SGO1: variants seen among roughly 807,000 people sequenced by gnomAD.
SGO1 encodes serologically defined breast cancer antigen NY-BR-85.
Under a neutral mutation model 50.5 loss-of-function variants are expected in SGO1, and 39 were observed. The ratio of observed to expected loss-of-function variants is 0.77; its 90% CI spans 0.60 to 1.01. The LOEUF (loss-of-function observed/expected upper bound fraction) is 1.01, where lower values mean the gene tolerates loss of function less well. Ranked by LOEUF, SGO1 falls within the 50% of genes least tolerant of loss-of-function variation. The pLI, the probability that SGO1 is intolerant of heterozygous loss-of-function variation, is 0.00. For synonymous variants in SGO1, 191 were observed against 205.1 expected, an observed-to-expected ratio of 0.93 and a Z score of 0.59; for missense variants, 638 against 606.0, an observed-to-expected ratio of 1.05 and a Z score of -0.55.
intron 5 of SGO1, among the ~76,000 whole-genome samples, chr3:20,175,815 A>C (rs1701325718): frequency 1.3e-5 from 2 of 151,868 alleles, no homozygotes; most frequent in South Asian, 4.2e-4. Flanking sequence ...AAAAATTATA[A>C]CAGGCTTTTA....
upstream of SGO1, chr3:20,186,643 A>G (rs1575275361): frequency 1.3e-5 from 2 of 152,228 alleles, no homozygotes; most frequent in African/African-American, 4.8e-5. Flanking sequence ...CAAGGAGCAA[A>G]TTCTGGATTA....
downstream of SGO1, among the ~76,000 whole-genome samples, chr3:20,167,644 T>G (rs1275292967): frequency 6.6e-6 from 1 of 152,212 alleles, no homozygotes. Context: ...GCTTGGCTAA[T>G]TTTAATGTCT....
At chr3:20,174,006 T>G (rs550069240) in intron 6 of SGO1, among the ~76,000 whole-genome samples, 1 of 152,170 alleles carries the variant, frequency 6.6e-6, no homozygotes, top group Non-Finnish European at 1.5e-5. Context: ...AGTCCTAATT[T>G]ACTGAAAATA....
In SGO1 at chr3:20,174,873, A is replaced by T; in HGVS notation, c.658T>A (p.Ser220Thr). The T allele has an allele frequency of 6.2e-7, 1 of 1,614,048 alleles. No individual in the cohort carries two copies. Among genetic ancestry groups the T allele is most frequent in the African/African-American group, 1.3e-5 (1 of 75,044 alleles). ...AATCCAACTCTTTCGAATTCAAAAG[A>T]CTTCCCTGCCAAATGACTGGTTTCA... ...DFETSHLAGK[S>T]FEFERVGFLD... Residue 220 changes from serine to threonine, a missense_variant, in exon 6 of 8, where the codon TCT (serine) becomes ACT (threonine). Physicochemically the swap from Ser to Thr is moderately conservative, Grantham distance 58. Coordinates refer to ENST00000412997, the MANE Select transcript of SGO1 (RefSeq NM_001199251.3).
Position 20,175,027 on chromosome 3 carries a change from T to C in SGO1, c.504A>G (p.Thr168=), listed in dbSNP as rs61729306. The C allele has an allele frequency of 5.7e-6, 9 of 1,580,226 alleles. No individual in the cohort carries two copies. Among genetic ancestry groups the C allele is most frequent in the Non-Finnish European group, 7.7e-6 (9 of 1,161,854 alleles). ...CACCTGAATCAAAATCAACTCCCAG[T>C]GTGTCTTGAGGAATAGTAGGTATCT... The part of the protein sequence containing the change: ...EDQIPTIPQD[T]LGVDFDSGEA... The change falls in exon 6 of 8, where the codon ACA becomes ACG. Residue 168 remains threonine (T), a synonymous_variant. Coordinates refer to ENST00000412997, the MANE Select transcript of SGO1 (RefSeq NM_001199251.3).
chr3:20,169,368 C>T (rs1013240617), downstream of SGO1: 7 of 984,580 alleles, frequency 7.1e-6, no homozygotes, highest in Non-Finnish European at 8.4e-6. Flanking sequence ...AGAACACCCC[C>T]CCCTCAAAAA....
downstream of SGO1, among the ~76,000 whole-genome samples, chr3:20,165,540 T>G (rs777857533): frequency 1.3e-5 from 2 of 152,102 alleles, no homozygotes; most frequent in Non-Finnish European, 2.9e-5. Flanking sequence ...CATGTAAGAC[T>G]TATAATTATT....
At chr3:20,164,262 C>A (rs1170569199) in intron 8 of SGO1, among the ~76,000 whole-genome samples, 1 of 151,934 alleles carries the variant, frequency 6.6e-6, no homozygotes, top group Admixed American at 6.6e-5. Context: ...CCCATTAACT[C>A]AAGGTTGGTT....
chr3:20,183,678 T>A lies in SGO1; in HGVS notation c.269A>T (p.Tyr90Phe), dbSNP rs574585410. The change falls in exon 3 of 8, where the codon TAC (tyrosine) becomes TTC (phenylalanine). Residue 90 changes from tyrosine to phenylalanine, a missense_variant. Tyr to Phe is a conservative substitution (Grantham distance 22). Transcript: ENST00000412997. ...DIILQLRKEC[Y>F]YLTCQLYALK... Reference sequence around the variant, plus strand: ...TGCATATAGCTGACATGTGAGATAGTAACATTCTTTTCTCAGCTGTAGGAT... The same window carrying A: ...TGCATATAGCTGACATGTGAGATAGAAACATTCTTTTCTCAGCTGTAGGAT... 1 of 1,612,208 alleles carries A rather than the reference T, an allele frequency of 6.2e-7. No homozygotes were observed. Among genetic ancestry groups the A allele is most frequent in the African/African-American group, 1.3e-5 (1 of 74,938 alleles).
intron 3 of SGO1, among the ~76,000 whole-genome samples, chr3:20,180,003 A>G (rs73175210): frequency 0.26 from 40,037 of 152,070 alleles, 5,252 homozygotes; most frequent in African/African-American, 0.27. Context: ...ATCTAGATTC[A>G]GAGTGGCTGC....
chr3:20,183,566 G>T, intron 3 of SGO1, 42 bp downstream of exon 3: 2 of 1,443,850 alleles, frequency 1.4e-6, no homozygotes, highest in South Asian at 1.3e-5. Flanking sequence ...CTTATTCATG[G>T]CTTAACTAAA....
downstream of SGO1, among the ~76,000 whole-genome samples, chr3:20,167,755 T>C (rs1412197616): frequency 2.0e-5 from 3 of 152,190 alleles, no homozygotes; most frequent in East Asian, 5.8e-4. Context: ...GGAACCACTG[T>C]AGGAAGCAAT....
downstream of SGO1, among the ~76,000 whole-genome samples, chr3:20,165,617 C>G (rs1438436235): frequency 6.6e-6 from 1 of 152,110 alleles, no homozygotes; most frequent in Non-Finnish European, 1.5e-5. Context: ...GTCAAGTTCA[C>G]CAAACCCTCA....
At position 20,183,709 on chromosome 3, in the gene SGO1, CT is replaced by C; in HGVS notation, c.237del (p.Asp80IlefsTer6). 6.2e-7 allele frequency: 1 copy of C among 1,613,212 alleles called. No homozygotes were observed. Among genetic ancestry groups the C allele is most frequent in the Non-Finnish European group, 8.5e-7 (1 of 1,179,776 alleles). ...TCTTTTCTCAGCTGTAGGATGATAT[CT>C]TGGGCTTCTTTCACTTTGGATTTTT... is the stretch of plus-strand genomic sequence containing the variant. ...ENEKSKVKEA[Q>X]DIILQLRKEC... is the part of the protein sequence containing the mutation. On this transcript the variant is annotated frameshift_variant, in exon 3 of 8. Coordinates refer to ENST00000412997, the MANE Select transcript of SGO1 (RefSeq NM_001199251.3). LOFTEE classifies it high-confidence loss of function.
chr3:20,175,555 G>C (rs1409080252), intron 5 of SGO1, among the ~76,000 whole-genome samples: 1 of 152,096 alleles, frequency 6.6e-6, no homozygotes, highest in East Asian at 1.9e-4. Context: ...CCAGCACTTT[G>C]GGAGGCCGAG....
Position 20,169,953 on chromosome 3 carries a change from T to C in SGO1, c.*751A>G, listed in dbSNP as rs753140119. 22 of 982,738 alleles carry C rather than the reference T, an allele frequency of 2.2e-5. No homozygotes were observed. Among genetic ancestry groups the C allele is most frequent in the Non-Finnish European group, 2.7e-5 (22 of 827,474 alleles). The allele number at this position is 982,738 out of a possible 1,614,324, so 60.9% of individuals were successfully genotyped here. A position where few individuals can be genotyped will look rare whatever the true frequency, so the allele number is the denominator to read the frequency against. On this transcript the variant is annotated 3_prime_UTR_variant, in exon 8 of 8. Transcript: ENST00000412997. ...GTTTCAAAAGATCCACAATAATTTA[T>C]TTTACTCAAATATTGTACTAAAGAG...
intron 6 of SGO1, among the ~76,000 whole-genome samples, chr3:20,172,809 A>AG (rs1700908800): frequency 6.6e-6 from 1 of 150,874 alleles, no homozygotes; most frequent in Non-Finnish European, 1.5e-5. Flanking sequence ...AAAAAAAAAA[A>AG]AAAAAAATTA....
chr3:20,165,879 C>T (rs1700272806), downstream of SGO1, among the ~76,000 whole-genome samples: 1 of 152,032 alleles, frequency 6.6e-6, no homozygotes, highest in Non-Finnish European at 1.5e-5. Context: ...TGGTGAAACC[C>T]CGACTCTACT....
At chr3:20,177,498 C>T (rs1030689078) in intron 4 of SGO1, among the ~76,000 whole-genome samples, 1 of 152,156 alleles carries the variant, frequency 6.6e-6, no homozygotes, top group Admixed American at 6.5e-5. Flanking sequence ...TTATGCTCTC[C>T]AGGGAACATG....
Sources: gnomAD v4.1 joint callset for allele counts (sites outside exome capture counted in the v4.1 genomes callset) on GRCh38, gnomAD v4.1.1 for gene constraint, MANE v1.5 for transcripts, NCBI Gene and HGNC (gene_info 2026-07-23, HGNC 2026-07-21) for gene names.